The following CCDC178 variants were observed in gnomAD, a reference collection of about 807,000 sequenced individuals.
CCDC178 encodes coiled-coil domain-containing protein 178.
In CCDC178, 126 loss-of-function variants were observed where a neutral mutation model predicts 117.4. The ratio of observed to expected loss-of-function variants is 1.07; its 90% confidence interval spans 0.93 to 1.24. CCDC178 has a LOEUF of 1.24. Ranked by LOEUF, CCDC178 falls within the 50% of genes most tolerant of loss-of-function variation. The pLI is 0.00. For synonymous variants in CCDC178, 283 were observed against 313.4 expected (o/e 0.90, Z 1.02); for missense variants, 1,030 against 986.9 (o/e 1.04, Z -0.59).
intron 6 of CCDC178, among the ~76,000 whole-genome samples, chr18:33,368,973 T>G (rs1019269077): frequency 1.3e-5 from 2 of 151,936 alleles, no homozygotes; most frequent in Non-Finnish European, 2.9e-5. Flanking sequence ...CATGGGTAAT[T>G]GTTAATTAAA....
At chr18:33,150,852 A>G (rs1275844809) in intron 20 of CCDC178, among the ~76,000 whole-genome samples, 1 of 152,202 alleles carries the variant, frequency 6.6e-6, no homozygotes, top group Non-Finnish European at 1.5e-5. Flanking sequence ...CACATTTCAC[A>G]ATTGTAAAGA....
At chr18:33,268,196 G>A (rs2059843015) in intron 12 of CCDC178, among the ~76,000 whole-genome samples, 2 of 151,760 alleles carry the variant, frequency 1.3e-5, no homozygotes, top group African/African-American at 2.4e-5. Flanking sequence ...AAAGGTATCT[G>A]AAAAATAAAA....
intron 11 of CCDC178, among the ~76,000 whole-genome samples, chr18:33,300,847 A>G (rs150899088): frequency 1.3e-5 from 2 of 152,350 alleles, no homozygotes; most frequent in Admixed American, 6.5e-5. Flanking sequence ...AGCAGAGAGT[A>G]AAAGTCTGGA....
intron 9 of CCDC178, among the ~76,000 whole-genome samples, chr18:33,339,810 C>T (rs1206170129): frequency 6.6e-6 from 1 of 152,094 alleles, no homozygotes; most frequent in Non-Finnish European, 1.5e-5. Context: ...CCTTTCACCA[C>T]CGGTCATAAT....
At chr18:33,164,561 ATAAC>A (rs1459207668) in intron 20 of CCDC178, among the ~76,000 whole-genome samples, 7 of 152,094 alleles carry the variant, frequency 4.6e-5, no homozygotes. Context: ...GCAATAATAA[ATAAC>A]ATATTTTTTG....
chr18:33,282,033 G>C (rs1017701261), intron 12 of CCDC178, among the ~76,000 whole-genome samples: 2 of 152,170 alleles, frequency 1.3e-5, no homozygotes, highest in African/African-American at 4.8e-5. Flanking sequence ...GATCTTCAGA[G>C]GGAAGGCACC....
chr18:33,322,025 A>G (rs12963310), intron 11 of CCDC178, among the ~76,000 whole-genome samples: 41,033 of 151,796 alleles, frequency 0.27, 5,865 homozygotes, highest in East Asian at 0.49. Context: ...AAGAGTCAAA[A>G]AAGGTCAATT....
At chr18:33,159,726 G>A (rs1286696647) in intron 20 of CCDC178, among the ~76,000 whole-genome samples, 1 of 152,018 alleles carries the variant, frequency 6.6e-6, no homozygotes, top group African/African-American at 2.4e-5. Context: ...CACAGGTTCT[G>A]GTGATTAGGA....
chr18:33,246,857 G>C (rs971226205), intron 14 of CCDC178, among the ~76,000 whole-genome samples: 2 of 151,796 alleles, frequency 1.3e-5, no homozygotes, highest in Non-Finnish European at 2.9e-5. Context: ...GCTGCCTATT[G>C]AATCAGTAAT....
At chr18:33,294,997 A>G (rs1423801253) in intron 11 of CCDC178, among the ~76,000 whole-genome samples, 1 of 152,184 alleles carries the variant, frequency 6.6e-6, no homozygotes, top group African/African-American at 2.4e-5. Flanking sequence ...CCTCATTGTT[A>G]TATCAGCTAA....
intron 20 of CCDC178, among the ~76,000 whole-genome samples, chr18:33,112,259 C>A (rs1385930153): frequency 3.3e-5 from 5 of 151,790 alleles, no homozygotes. Context: ...ACAACCACAG[C>A]CTCAGTCTCC....
At chr18:33,277,885 C>A (rs2059969290) in intron 12 of CCDC178, among the ~76,000 whole-genome samples, 1 of 152,146 alleles carries the variant, frequency 6.6e-6, no homozygotes. Flanking sequence ...TCTACAAAAT[C>A]CTTCTGCCCA....
chr18:33,129,419 C>T (rs1315774343), intron 20 of CCDC178, among the ~76,000 whole-genome samples: 1 of 151,824 alleles, frequency 6.6e-6, no homozygotes, highest in Non-Finnish European at 1.5e-5. Flanking sequence ...TCTAAAACCA[C>T]AAAAAGTAAA....
intron 21 of CCDC178, among the ~76,000 whole-genome samples, chr18:33,091,089 C>A (rs917159098): frequency 6.6e-6 from 1 of 151,954 alleles, no homozygotes; most frequent in Non-Finnish European, 1.5e-5. Flanking sequence ...TGCTCCCCCC[C>A]GATTAGAAAA....
At chr18:32,974,180 T>C (rs2054985531) in intron 22 of CCDC178, among the ~76,000 whole-genome samples, 1 of 152,134 alleles carries the variant, frequency 6.6e-6, no homozygotes. Flanking sequence ...CATAAGAGGG[T>C]TATTTTCACT....
At chr18:33,082,698 C>T (rs1212229830) in intron 21 of CCDC178, among the ~76,000 whole-genome samples, 1 of 151,804 alleles carries the variant, frequency 6.6e-6, no homozygotes, top group Non-Finnish European at 1.5e-5. Flanking sequence ...ATGTTGTGCA[C>T]ATGTACCCTA....
intron 22 of CCDC178, among the ~76,000 whole-genome samples, chr18:32,969,781 G>C (rs1201088080): frequency 1.3e-5 from 2 of 151,968 alleles, no homozygotes. Flanking sequence ...AAATGCCTCT[G>C]CTTACTCAGT....
In CCDC178 at chr18:33,337,150, T is replaced by C. The variant is rs1198318770; in HGVS notation, c.659-3756A>G. Among the ~76,000 whole-genome samples, 12 of 142,490 alleles carry C rather than the reference T, an allele frequency of 8.4e-5. No homozygotes were observed. The Admixed American group carries it at 8.5e-4, about 10-fold the overall frequency. 93.5% of individuals were successfully genotyped at this position (142,490 alleles called of 152,430 possible). A position where few individuals can be genotyped will look rare whatever the true frequency, so the allele number is the denominator to read the frequency against. On this transcript the variant is annotated intron_variant, in intron 9 of 22. Coordinates refer to ENST00000383096, the MANE Select transcript of CCDC178 (RefSeq NM_001105528.4). ...TATTCCTAAGCTTTTTTTTTTTTTT[T>C]GCAGCTATCATGAAAGGAGTTGAGT...
intron 21 of CCDC178, 51 bp downstream of exon 21, chr18:33,092,710 G>A (rs759957890): frequency 7.6e-7 from 1 of 1,311,212 alleles, no homozygotes; most frequent in South Asian, 1.4e-5. Flanking sequence ...TACTTTTGTA[G>A]TGCATATATG....
Sources: allele counts gnomAD v4.1 joint callset (sites outside exome capture counted in the v4.1 genomes callset), GRCh38; gene constraint gnomAD v4.1.1; transcripts MANE v1.5; gene names NCBI Gene and HGNC (gene_info 2026-07-23, HGNC 2026-07-21).